MAPRE3: variants seen among roughly 807,000 people sequenced by gnomAD.
MAPRE3 encodes microtubule-associated protein RP/EB family member 3.
A neutral mutation model predicts 30.5 loss-of-function variants in MAPRE3; 2 were observed. The ratio of observed to expected loss-of-function variants is 0.07; its 90% CI spans 0.03 to 0.21. The LOEUF (loss-of-function observed/expected upper bound fraction) is 0.21. Among genes scored for constraint, MAPRE3 ranks in the 10% least tolerant of loss-of-function variants. MAPRE3 has a pLI of 1.00. For missense variants in MAPRE3, 204 were observed against 351.8 expected (o/e 0.58, Z 3.36); for synonymous variants, 110 against 127.7 (o/e 0.86, Z 0.93).
intron 2 of MAPRE3, chr2:27,022,687 A>T (rs1051395686): frequency 4.6e-6 from 1 of 217,234 alleles, no homozygotes. Context: ...AGGTGATAAT[A>T]AAATAAAAAC....
chr2:26,981,524 T>C (rs1161369612), intron 1 of MAPRE3, among the ~76,000 whole-genome samples: 2 of 152,300 alleles, frequency 1.3e-5, no homozygotes, highest in Admixed American at 1.3e-4. Context: ...GAGGCTTCTT[T>C]TACTTTTGTT....
intron 1 of MAPRE3, among the ~76,000 whole-genome samples, chr2:26,992,064 CTG>C (rs1217039239): frequency 1.3e-5 from 2 of 152,050 alleles, no homozygotes; most frequent in African/African-American, 2.4e-5. Flanking sequence ...AAATCAGAAA[CTG>C]TTACTACTCC....
At chr2:27,010,472 A>C (rs1441342187) in intron 1 of MAPRE3, among the ~76,000 whole-genome samples, 4 of 92,438 alleles carry the variant, frequency 4.3e-5, no homozygotes, top group Non-Finnish European at 6.4e-5. Flanking sequence ...ATGGAGTTTC[A>C]CTCTTTGTTG....
intron 1 of MAPRE3, among the ~76,000 whole-genome samples, chr2:27,020,947 T>A (rs1667098900): frequency 6.6e-6 from 1 of 152,136 alleles, no homozygotes; most frequent in Admixed American, 6.5e-5. Flanking sequence ...GGGATCCACA[T>A]CTGTGGATTC....
chr2:26,992,245 A>G (rs544216240), intron 1 of MAPRE3, among the ~76,000 whole-genome samples: 2 of 129,010 alleles, frequency 1.6e-5, no homozygotes, highest in Non-Finnish European at 3.3e-5. Context: ...TTTTTTTTTG[A>G]GATGGAGTTT....
chr2:26,996,942 C>T (rs1666475899), intron 1 of MAPRE3: 1 of 152,148 alleles, frequency 6.6e-6, no homozygotes, highest in East Asian at 1.9e-4. Context: ...AAAAGACAAG[C>T]CCATTAGCAG....
chr2:26,997,495 C>T (rs146000319), intron 1 of MAPRE3, among the ~76,000 whole-genome samples: 2 of 152,226 alleles, frequency 1.3e-5, no homozygotes, highest in East Asian at 1.9e-4. Context: ...ATACAGAACA[C>T]GCAGCCTAGA....
intron 1 of MAPRE3, among the ~76,000 whole-genome samples, chr2:27,005,275 G>T (rs542557687): frequency 3.8e-4 from 58 of 152,270 alleles, no homozygotes; most frequent in African/African-American, 1.3e-3. Context: ...AGGATAGCAT[G>T]GAATATTATG....
chr2:27,018,079 C>G (rs527951655), intron 1 of MAPRE3, among the ~76,000 whole-genome samples: 1 of 152,176 alleles, frequency 6.6e-6, no homozygotes, highest in Non-Finnish European at 1.5e-5. Context: ...GGACTAAGAC[C>G]ATTGCCTTTC....
At chr2:27,016,354 A>G (rs1251729084) in intron 1 of MAPRE3, among the ~76,000 whole-genome samples, 2 of 142,870 alleles carry the variant, frequency 1.4e-5, no homozygotes, top group African/African-American at 2.6e-5. Context: ...CAAGTGTGTT[A>G]TTATTAAGAG....
chr2:27,007,180 G>A (rs959283690), intron 1 of MAPRE3, among the ~76,000 whole-genome samples: 15 of 152,110 alleles, frequency 9.9e-5, no homozygotes, highest in African/African-American at 3.4e-4. Context: ...CCAAAGGTTC[G>A]TCTATATCTT....
chr2:26,996,178 G>C (rs998952576), intron 1 of MAPRE3, among the ~76,000 whole-genome samples: 1 of 140,268 alleles, frequency 7.1e-6, no homozygotes, highest in Non-Finnish European at 1.5e-5. Flanking sequence ...TTTGAAACAA[G>C]GTCTTACTCT....
chr2:26,986,354 C>T lies in MAPRE3; in HGVS notation c.-8+15552C>T, dbSNP rs1055235254. On this transcript the variant is annotated intron_variant, in intron 1 of 6. Coordinates refer to ENST00000233121, the MANE Select transcript of MAPRE3 (RefSeq NM_012326.4). The surrounding 1 kb of genome is among the most constrained non-coding windows in gnomAD (Gnocchi z 4.2). ...TTTAAGATGACATATTTATATGTTC[C>T]AGGGATTAGGACACGGACATCTTTG... Among the ~76,000 whole-genome samples the T allele has an allele frequency of 3.3e-5, 5 of 152,142 alleles. No individual in the cohort carries two copies. The highest frequency in any genetic ancestry group is 1.3e-4 in the Admixed American group (2 of 15,272).
intron 1 of MAPRE3, among the ~76,000 whole-genome samples, chr2:27,021,423 T>C (rs554639634): frequency 6.6e-6 from 1 of 152,272 alleles, no homozygotes; most frequent in South Asian, 2.1e-4. Context: ...GGATAATGAA[T>C]ACAGGAGCCA....
intron 1 of MAPRE3, chr2:27,013,728 ACT>A (rs1490259102): frequency 6.6e-6 from 1 of 152,062 alleles, no homozygotes; most frequent in Non-Finnish European, 1.5e-5. Context: ...GGCTGTCCCT[ACT>A]CTCTCCCTGC....
intron 1 of MAPRE3, 110 bp downstream of exon 1, chr2:26,970,912 A>G (rs1572736640): frequency 1.9e-5 from 1 of 52,782 alleles, no homozygotes; most frequent in South Asian, 6.9e-4. Context: ...CCCCACCCGC[A>G]CTCCCGCATC....
At chr2:27,019,289 G>T (rs538325008) in intron 1 of MAPRE3, among the ~76,000 whole-genome samples, 3 of 149,136 alleles carry the variant, frequency 2.0e-5, no homozygotes, top group Middle Eastern at 3.4e-3. Flanking sequence ...CACAGAGGGG[G>T]TCAGAAAAAG....
intron 1 of MAPRE3, among the ~76,000 whole-genome samples, chr2:27,020,168 T>C (rs938604942): frequency 1.3e-5 from 2 of 152,174 alleles, no homozygotes; most frequent in African/African-American, 4.8e-5. Context: ...GGAAGCTGCC[T>C]ATAGCTCCTA....
intron 4 of MAPRE3, 62 bp from the exon 5 acceptor site, chr2:27,025,521 T>C (rs1422594917): frequency 6.7e-7 from 1 of 1,501,484 alleles, no homozygotes; most frequent in Non-Finnish European, 8.9e-7. Flanking sequence ...CACACCAGGC[T>C]GTCTCCTGCC....
Sources: gnomAD v4.1 joint callset for allele counts (sites outside exome capture counted in the v4.1 genomes callset) on GRCh38, gnomAD v4.1.1 for gene constraint, Gnocchi (gnomAD v3.1) non-coding constraint, MANE v1.5 for transcripts, NCBI Gene and HGNC (gene_info 2026-07-23, HGNC 2026-07-21) for gene names.